Variants in ITGB6 observed in about 807,000 individuals in gnomAD.
The protein encoded by ITGB6 is integrin subunit beta 6, also known as integrin beta-6.
In ITGB6, 80 loss-of-function variants were observed where a neutral mutation model predicts 84.5. That is an observed-to-expected ratio of 0.95 (90% CI 0.79 to 1.14). The LOEUF (loss-of-function observed/expected upper bound fraction) is 1.14, where lower values mean the gene tolerates loss of function less well. Among genes scored for constraint, ITGB6 ranks in the 50% most tolerant of loss-of-function variants. The probability of loss-of-function intolerance (pLI) is 0.00; values close to 1 mark genes in which losing one functional copy is unlikely to be tolerated. For synonymous variants in ITGB6, 383 were observed against 354.9 expected, an observed-to-expected ratio of 1.08 and a Z score of -0.89; for missense variants, 1,006 against 968.0, an observed-to-expected ratio of 1.04 and a Z score of -0.52.
chr2:160,177,443 T>C (rs917771584), intron 4 of ITGB6, among the ~76,000 whole-genome samples: 8 of 151,756 alleles, frequency 5.3e-5, no homozygotes, highest in East Asian at 1.9e-4. Context: ...TGGTGGTGGG[T>C]GCCTGTAGTC....
Position 160,116,518 on chromosome 2 carries a change from A to G in ITGB6, c.1982-4319T>C, listed in dbSNP as rs541256828. On this transcript the variant is annotated intron_variant, in intron 12 of 14. Coordinates refer to ENST00000283249, the MANE Select transcript of ITGB6 (RefSeq NM_000888.5). ...TAAAAGAGCTCCTGAAGGAAGCACT[A>G]AACATGGAAAGGAACAACTGGTACC... 3.1e-4 allele frequency among the ~76,000 whole-genome samples: 47 copies of G among 152,360 alleles called. 1 individual carries two copies. In the South Asian group the frequency reaches 9.5e-3, roughly 31 times the overall value.
At chr2:160,161,294 G>A (rs1457535902) in intron 7 of ITGB6, among the ~76,000 whole-genome samples, 1 of 152,028 alleles carries the variant, frequency 6.6e-6, no homozygotes, top group Non-Finnish European at 1.5e-5. Flanking sequence ...GCCTTTATAA[G>A]ATTATACATG....
At chr2:160,110,586 T>C (rs1166869880) in intron 13 of ITGB6, among the ~76,000 whole-genome samples, 1 of 152,188 alleles carries the variant, frequency 6.6e-6, no homozygotes, top group Non-Finnish European at 1.5e-5. Flanking sequence ...TCTTATGCTC[T>C]GGAAGTCCCT....
chr2:160,102,801 C>T lies in ITGB6; in HGVS notation c.2269-967G>A, dbSNP rs1238997240. ...TGATCACACAGGCTATGGCAACAGT[C>T]TGGGTCCAAACCCAGCTCCACCACA... On this transcript the variant is annotated intron_variant, in intron 14 of 14. Transcript: ENST00000283249. Among the ~76,000 whole-genome samples, 5 of 152,124 alleles carry T rather than the reference C, an allele frequency of 3.3e-5. No individual in the cohort carries two copies. In the South Asian group the frequency reaches 1.0e-3, roughly 31 times the overall value.
At chr2:160,110,055 G>A (rs1040694776) in intron 13 of ITGB6, among the ~76,000 whole-genome samples, 1 of 152,074 alleles carries the variant, frequency 6.6e-6, no homozygotes, top group Non-Finnish European at 1.5e-5. Flanking sequence ...TATAGGGTTT[G>A]CCTAACAGTT....
Position 160,108,941 on chromosome 2 carries a change from G to GA in ITGB6, c.2102-1097dup, listed in dbSNP as rs199708943. Among the ~76,000 whole-genome samples, 1,348 of 151,908 alleles carry GA rather than the reference G, an allele frequency of 8.9e-3. 19 individuals are homozygous for GA. The highest frequency in any genetic ancestry group is 0.031 in the African/African-American group (1,271 of 41,412). On this transcript the variant is annotated intron_variant, in intron 13 of 14. Coordinates refer to ENST00000283249, the MANE Select transcript of ITGB6 (RefSeq NM_000888.5). ...ATTATGTTCTCCTCTTACTTTCATGGAAAAAAAATCCCACATAAAATTATC... is the reference window on the plus strand; with the variant it reads ...ATTATGTTCTCCTCTTACTTTCATGGAAAAAAAAATCCCACATAAAATTATC...
chr2:160,118,454 A>C lies in ITGB6; in HGVS notation c.1981+5337T>G, dbSNP rs575155541. Among the ~76,000 whole-genome samples, 3 of 152,356 alleles carry C rather than the reference A, an allele frequency of 2.0e-5. No homozygotes were observed. In the East Asian group the frequency reaches 5.8e-4, roughly 29 times the overall value. On this transcript the variant is annotated intron_variant, in intron 12 of 14. Transcript: ENST00000283249. ...ATAGATGCAGAAAAGGCCTTTGACAAAATTCAACAGTGCTTCATGCTAAAA... is the reference window on the plus strand; with the variant it reads ...ATAGATGCAGAAAAGGCCTTTGACACAATTCAACAGTGCTTCATGCTAAAA...
chr2:160,124,326 G>T (rs952113768), intron 11 of ITGB6, among the ~76,000 whole-genome samples: 1 of 152,156 alleles, frequency 6.6e-6, no homozygotes, highest in African/African-American at 2.4e-5. Flanking sequence ...ATGATTAGTG[G>T]ACTTTGTATA....
chr2:160,100,776 T>C lies in ITGB6; in HGVS notation c.*960A>G, dbSNP rs1696685435. 2.0e-5 allele frequency: 3 copies of C among 152,256 alleles called. No homozygotes were observed. In the South Asian group the frequency reaches 6.2e-4, roughly 31 times the overall value. The allele number at this position is 152,256 out of a possible 1,614,324, so 9.4% of individuals were successfully genotyped here. ...TATTAAAAAGCCTTTAAGACTTGTATACTCTTGATGTGCTTGATTTAGAGC... is the reference window on the plus strand; with the variant it reads ...TATTAAAAAGCCTTTAAGACTTGTACACTCTTGATGTGCTTGATTTAGAGC... On this transcript the variant is annotated 3_prime_UTR_variant, in exon 15 of 15. Coordinates refer to ENST00000283249, the MANE Select transcript of ITGB6 (RefSeq NM_000888.5).
intron 10 of ITGB6, among the ~76,000 whole-genome samples, chr2:160,126,805 T>C (rs185765864): frequency 2.4e-4 from 36 of 152,360 alleles, no homozygotes; most frequent in Admixed American, 1.2e-3. Flanking sequence ...CATACTTAGA[T>C]CTGGTCTCCT....
At chr2:160,183,953 T>C (rs1421622928) in intron 4 of ITGB6, among the ~76,000 whole-genome samples, 5 of 152,102 alleles carry the variant, frequency 3.3e-5, no homozygotes, top group African/African-American at 1.2e-4. Flanking sequence ...CACAACGTAG[T>C]AGAATCTCTG....
At chr2:160,137,141 C>G (rs570964709) in intron 10 of ITGB6, among the ~76,000 whole-genome samples, 2 of 151,764 alleles carry the variant, frequency 1.3e-5, no homozygotes, top group East Asian at 1.9e-4. Flanking sequence ...GTTCATATAA[C>G]AGGCACTTTT....
At chr2:160,190,622 A>G (rs1375773115) in intron 4 of ITGB6, among the ~76,000 whole-genome samples, 1 of 152,194 alleles carries the variant, frequency 6.6e-6, no homozygotes, top group Non-Finnish European at 1.5e-5. Context: ...ATTGCTTGGT[A>G]CATAGTTGGA....
chr2:160,200,015 C>T lies in ITGB6; in HGVS notation c.49G>A (p.Asp17Asn). The change falls in exon 1 of 15, where the codon GAT (aspartate) becomes AAT (asparagine). Residue 17 changes from aspartate (D) to asparagine (N), a missense_variant. Asp to Asn is a conservative substitution (Grantham distance 23). Transcript: ENST00000283249. ...CLFFLFLGRN[D>N]HVQGGCALGG... ...ACGCAGGTCTTACCTTGTACGTGAT[C>T]ATTCCTTCCTAGAAATAGAAAGAAC... 1 of 1,613,588 alleles carries T rather than the reference C, an allele frequency of 6.2e-7. No homozygotes were observed. The highest frequency in any genetic ancestry group is 8.5e-7 in the Non-Finnish European group (1 of 1,179,566).
intron 12 of ITGB6, among the ~76,000 whole-genome samples, chr2:160,122,945 A>G (rs1683099071): frequency 6.6e-6 from 1 of 152,132 alleles, no homozygotes; most frequent in African/African-American, 2.4e-5. Context: ...CCACATCTCT[A>G]ATGTGTGCAG....
At chr2:160,138,622 A>G (rs1327519740) in intron 8 of ITGB6, among the ~76,000 whole-genome samples, 1 of 152,212 alleles carries the variant, frequency 6.6e-6, no homozygotes, top group African/African-American at 2.4e-5. Flanking sequence ...ATTAAACAAC[A>G]GCTTCCTTTA....
chr2:160,169,736 T>C (rs540076381), intron 6 of ITGB6, among the ~76,000 whole-genome samples: 3 of 152,326 alleles, frequency 2.0e-5, no homozygotes, highest in African/African-American at 4.8e-5. Flanking sequence ...CTCTTGTAGC[T>C]CTGAAACTCC....
chr2:160,167,639 T>G (rs1449599685), intron 7 of ITGB6, among the ~76,000 whole-genome samples: 1 of 152,204 alleles, frequency 6.6e-6, no homozygotes, highest in Non-Finnish European at 1.5e-5. Context: ...TCATTTCCCT[T>G]GCAACGGGGG....
rs200095827 is a variant in ITGB6 at position 160,120,668 on chromosome 2, TAAAAAAA to T, written c.1981+3116_1981+3122del. Among the ~76,000 whole-genome samples the T allele has an allele frequency of 1.9e-4, 3 of 16,128 alleles. 1 individual carries two copies. Among genetic ancestry groups the T allele is most frequent in the South Asian group, 1.2e-3 (1 of 838 alleles). 10.6% of individuals were successfully genotyped at this position (16,128 alleles called of 152,430 possible). ...TGTACCCTAAAACTTAGAGTATAAT[TAAAAAAA>T]AAAAAAAAAAAAAAAGAAAATGTGG... On this transcript the variant is annotated intron_variant, in intron 12 of 14. Coordinates refer to ENST00000283249, the MANE Select transcript of ITGB6 (RefSeq NM_000888.5).
Sources: gnomAD v4.1 joint callset for allele counts (sites outside exome capture counted in the v4.1 genomes callset) on GRCh38, gnomAD v4.1.1 for gene constraint, MANE v1.5 for transcripts, NCBI Gene and HGNC (gene_info 2026-07-23, HGNC 2026-07-21) for gene names.